The following STEAP4 variants were observed in gnomAD, a reference collection of about 807,000 sequenced individuals.
The protein encoded by STEAP4 is STEAP4 metalloreductase, also known as metalloreductase STEAP4.
Under a neutral mutation model 43.6 loss-of-function variants are expected in STEAP4, and 36 were observed. That is an observed-to-expected ratio of 0.83 (90% confidence interval 0.63 to 1.09). The LOEUF is 1.09. STEAP4 is among the 50% of genes least tolerant of loss of function. The pLI, the probability that STEAP4 is intolerant of heterozygous loss-of-function variation, is 0.00. For synonymous variants in STEAP4, 191 were observed against 196.7 expected, an observed-to-expected ratio of 0.97 and a Z score of 0.24; for missense variants, 495 against 546.5, an observed-to-expected ratio of 0.91 and a Z score of 0.94.
rs1405290942 is a variant in STEAP4 at position 88,270,937 on chromosome 7, G to A, written c.*8461C>T. The A allele has an allele frequency of 2.0e-5, 3 of 151,972 alleles. No homozygotes were observed. Among genetic ancestry groups the A allele is most frequent in the East Asian group, 1.9e-4 (1 of 5,178 alleles). 9.4% of individuals were successfully genotyped at this position (151,972 alleles called of 1,614,324 possible). On this transcript the variant is annotated 3_prime_UTR_variant, in exon 5 of 5. Coordinates refer to ENST00000380079, the MANE Select transcript of STEAP4 (RefSeq NM_024636.4). The stretch of plus-strand genomic sequence containing the variant: ...AATTAAAAATTTTTAATTGACACAC[G>A]ATAATTATACATATTTATGGGGTAC...
chr7:88,279,183 C>T lies in STEAP4; in HGVS notation c.*215G>A. On this transcript the variant is annotated 3_prime_UTR_variant, in exon 5 of 5. Coordinates refer to ENST00000380079, the MANE Select transcript of STEAP4 (RefSeq NM_024636.4). ...TGGGAAAATAAGAGTCAGGGACCTGCACTGATTCTTCACTAACCTGAGATA... is the reference window on the plus strand; with the variant it reads ...TGGGAAAATAAGAGTCAGGGACCTGTACTGATTCTTCACTAACCTGAGATA... 3 of 554,742 alleles carry T rather than the reference C, an allele frequency of 5.4e-6. No homozygotes were observed. The highest frequency in any genetic ancestry group is 6.4e-6 in the Non-Finnish European group (2 of 310,636). The allele number at this position is 554,742 out of a possible 1,614,324, so 34.4% of individuals were successfully genotyped here.
intron 4 of STEAP4, 124 bp from the exon 5 acceptor site, chr7:88,279,752 CT>C: frequency 5.2e-6 from 4 of 763,778 alleles, no homozygotes; most frequent in Non-Finnish European, 8.3e-6. Context: ...GTTTAGGACA[CT>C]TTGCCAAGTA....
rs924172782 is a variant in STEAP4 at position 88,273,555 on chromosome 7, T to C, written c.*5843A>G. On this transcript the variant is annotated 3_prime_UTR_variant, in exon 5 of 5. Coordinates refer to ENST00000380079, the MANE Select transcript of STEAP4 (RefSeq NM_024636.4). The stretch of plus-strand genomic sequence containing the variant: ...CTAGATTCTTCAACTAGTATTAAAG[T>C]ACTAAATGAGAAGTGTTATGAAATT... 6.6e-6 allele frequency: 1 copy of C among 152,086 alleles called. No homozygotes were observed. The highest frequency in any genetic ancestry group is 1.5e-5 in the Non-Finnish European group (1 of 68,002). 9.4% of individuals were successfully genotyped at this position (152,086 alleles called of 1,614,324 possible).
rs1852531920 is a variant in STEAP4, at chr7:88,277,525, G to A, written c.*1873C>T. On this transcript the variant is annotated 3_prime_UTR_variant, in exon 5 of 5. Transcript: ENST00000380079. ...AGTCTACATGTTTAATAAGGAAAGAGGTTTGAAAAATGCCTATTTGATGTG... is the reference window on the plus strand; with the variant it reads ...AGTCTACATGTTTAATAAGGAAAGAAGTTTGAAAAATGCCTATTTGATGTG... 6.6e-6 allele frequency: 1 copy of A among 152,096 alleles called. No homozygotes were observed. Among genetic ancestry groups the A allele is most frequent in the Admixed American group, 6.6e-5 (1 of 15,266 alleles). 9.4% of individuals were successfully genotyped at this position (152,096 alleles called of 1,614,324 possible). A position where few individuals can be genotyped will look rare whatever the true frequency, so the allele number is the denominator to read the frequency against.
intron 1 of STEAP4, among the ~76,000 whole-genome samples, chr7:88,291,838 T>G (rs1343996619): frequency 6.6e-6 from 1 of 152,202 alleles, no homozygotes; most frequent in Non-Finnish European, 1.5e-5. Context: ...TTCAGTCTCA[T>G]GGGCTCTCCA....
intron 1 of STEAP4, among the ~76,000 whole-genome samples, chr7:88,296,192 T>C (rs1216368944): frequency 6.6e-6 from 1 of 152,170 alleles, no homozygotes; most frequent in East Asian, 1.9e-4. Flanking sequence ...TAGTACAGCA[T>C]AATGTGATAA....
rs1328490359 is a variant in STEAP4, at chr7:88,283,396, A to G, written c.457-228T>C. 5.9e-6 allele frequency: 3 copies of G among 512,632 alleles called. No homozygotes were observed. The Admixed American group carries it at 1.1e-4, about 19-fold the overall frequency. The allele number at this position is 512,632 out of a possible 1,614,324, so 31.8% of individuals were successfully genotyped here. ...AGTTGATGATGGTTTTAGGCACATC[A>G]CACTTATAAAAGACATGGTTCTCCA... is the stretch of plus-strand genomic sequence containing the variant. On this transcript the variant is annotated intron_variant, in intron 2 of 4. Coordinates refer to ENST00000380079, the MANE Select transcript of STEAP4 (RefSeq NM_024636.4).
In STEAP4 at chr7:88,283,856, T is replaced by C; in HGVS notation, c.414A>G (p.Ser138=). ...GTGCTCCTGACTGGAGAGCCCAGGC[T>C]GAGATGGTGTTAAATGCTTTTACCA... is the stretch of plus-strand genomic sequence containing the variant. ...AHVVKAFNTI[S]AWALQSGALD... is the part of the protein sequence containing the mutation. Residue 138 remains serine (S), a synonymous_variant, in exon 2 of 5, where the codon TCA becomes TCG. Transcript: ENST00000380079. 1 of 1,613,882 alleles carries C rather than the reference T, an allele frequency of 6.2e-7. No homozygotes were observed. The highest frequency in any genetic ancestry group is 8.5e-7 in the Non-Finnish European group (1 of 1,179,746).
chr7:88,304,523 TA>T (rs1312056964), intron 1 of STEAP4, among the ~76,000 whole-genome samples: 18 of 152,208 alleles, frequency 1.2e-4, no homozygotes, highest in African/African-American at 4.1e-4. Context: ...TTGGTAGATG[TA>T]GCTGCAGGCA....
At chr7:88,300,018 A>G (rs1853003755) in intron 1 of STEAP4, among the ~76,000 whole-genome samples, 1 of 152,186 alleles carries the variant, frequency 6.6e-6, no homozygotes, top group Non-Finnish European at 1.5e-5. Context: ...ATGTTTGCTG[A>G]GACCCATCAG....
chr7:88,280,956 CA>C lies in STEAP4; in HGVS notation c.1107del (p.Val370LeufsTer20). ...TCTCTCCAGTTGACTGCATTGCTAACAGATGGCAAAGAAGTGATTCCCAAGA... is the reference window on the plus strand; with the variant it reads ...TCTCTCCAGTTGACTGCATTGCTAACGATGGCAAAGAAGTGATTCCCAAGA... ...FVLLGITSLPSVSNAVNWREF... is the reference protein window; with the variant it reads ...FVLLGITSLPXVSNAVNWREF... On this transcript the variant is annotated frameshift_variant, in exon 4 of 5. Coordinates refer to ENST00000380079, the MANE Select transcript of STEAP4 (RefSeq NM_024636.4). LOFTEE classifies it high-confidence loss of function. 6.2e-7 allele frequency: 1 copy of C among 1,612,150 alleles called. No homozygotes were observed. The highest frequency in any genetic ancestry group is 1.1e-5 in the South Asian group (1 of 90,738).
chr7:88,284,189 A>C lies in STEAP4; in HGVS notation c.81T>G (p.Thr27=). The change falls in exon 2 of 5, where the codon ACT becomes ACG. Residue 27 remains threonine (T), a synonymous_variant. Transcript: ENST00000380079. ...ATCCCAGTGATCTTCCAAAATCACC[A>C]GTTCCAAAAATACATACAGTCTCTT... ...EKQETVCIFG[T]GDFGRSLGLK... The C allele has an allele frequency of 1.2e-6, 2 of 1,614,134 alleles. No individual in the cohort carries two copies. The highest frequency in any genetic ancestry group is 4.5e-5 in the East Asian group (2 of 44,880).
chr7:88,287,989 G>A (rs1398566546), intron 1 of STEAP4, among the ~76,000 whole-genome samples: 1 of 152,150 alleles, frequency 6.6e-6, no homozygotes, highest in Non-Finnish European at 1.5e-5. Context: ...ACAGCTTAAA[G>A]GTTAGAAGCC....
In STEAP4 at chr7:88,280,945, TGC is replaced by T; in HGVS notation, c.1117_1118del (p.Ala373SerfsTer122). The T allele has an allele frequency of 3.7e-6, 6 of 1,611,418 alleles. No individual in the cohort carries two copies. Among genetic ancestry groups the T allele is most frequent in the Non-Finnish European group, 5.1e-6 (6 of 1,179,032 alleles). ...CAAATCGGAACTCTCTCCAGTTGAC[TGC>T]ATTGCTAACAGATGGCAAAGAAGTG... is the stretch of plus-strand genomic sequence containing the variant. The part of the protein sequence containing the change: ...GITSLPSVSN[A>X]VNWREFRFVQ... On this transcript the variant is annotated frameshift_variant, in exon 4 of 5. Transcript: ENST00000380079. LOFTEE classifies it high-confidence loss of function.
Position 88,284,138 on chromosome 7 carries a change from A to C in STEAP4, c.132T>G (p.Ser44=). 6.2e-7 allele frequency: 1 copy of C among 1,614,176 alleles called. No individual in the cohort carries two copies. The highest frequency in any genetic ancestry group is 1.1e-5 in the South Asian group (1 of 91,088). Residue 44 remains serine, a synonymous_variant, in exon 2 of 5, where the codon TCT becomes TCG. Coordinates refer to ENST00000380079, the MANE Select transcript of STEAP4 (RefSeq NM_024636.4). The part of the protein sequence containing the change: ...LGLKMLQCGY[S]VVFGSRNPQK... Reference sequence around the variant, plus strand: ...GGGGGTTTCGACTTCCAAAAACAACAGAATAACCACACTGGAGCATTTTCA... The same window carrying C: ...GGGGGTTTCGACTTCCAAAAACAACCGAATAACCACACTGGAGCATTTTCA...
intron 4 of STEAP4, 118 bp from the exon 5 acceptor site, chr7:88,279,746 A>G: frequency 1.2e-6 from 1 of 816,238 alleles, no homozygotes; most frequent in Non-Finnish European, 1.9e-6. Flanking sequence ...TATAATGTTT[A>G]GGACACTTTG....
At position 88,274,558 on chromosome 7, in the gene STEAP4, T is replaced by A. The variant is rs942379031; in HGVS notation, c.*4840A>T. On this transcript the variant is annotated 3_prime_UTR_variant, in exon 5 of 5. Transcript: ENST00000380079. ...GTCCAATACAGACCCCAAGAGAGAG[T>A]TCTTGGATCTTGCACAAGAAAGAAT... 1 of 151,792 alleles carries A rather than the reference T, an allele frequency of 6.6e-6. No homozygotes were observed. The highest frequency in any genetic ancestry group is 2.4e-5 in the African/African-American group (1 of 41,286). The allele number at this position is 151,792 out of a possible 1,614,324, so 9.4% of individuals were successfully genotyped here.
At chr7:88,283,245 G>T in intron 2 of STEAP4, 77 bp from the exon 3 acceptor site, 1 of 1,385,466 alleles carries the variant, frequency 7.2e-7, no homozygotes. Context: ...GGCTACAACA[G>T]CACCATGCCA....
At position 88,281,039 on chromosome 7, in the gene STEAP4, G is replaced by A. The variant is rs1309024880; in HGVS notation, c.1025C>T (p.Ala342Val). The change falls in exon 4 of 5, where the codon GCC becomes GTC. Residue 342 changes from alanine (A) to valine (V), a missense_variant. By Grantham distance (64) the Ala-to-Val change is moderately conservative (BLOSUM62 0). Transcript: ENST00000380079. ...AGCCACATATGAATCACTGAGCCAGGCTGAGGAGGTGCTAAATGGATTCTC... is the reference window on the plus strand; with the variant it reads ...AGCCACATATGAATCACTGAGCCAGACTGAGGAGGTGCTAAATGGATTCTC... ...KKENPFSTSS[A>V]WLSDSYVALG... The A allele has an allele frequency of 2.5e-6, 4 of 1,611,358 alleles. No individual in the cohort carries two copies. Among genetic ancestry groups the A allele is most frequent in the Non-Finnish European group, 3.4e-6 (4 of 1,179,096 alleles).
Sources: gnomAD v4.1 joint callset for allele counts (sites outside exome capture counted in the v4.1 genomes callset) on GRCh38, gnomAD v4.1.1 for gene constraint, MANE v1.5 for transcripts, NCBI Gene and HGNC (gene_info 2026-07-23, HGNC 2026-07-21) for gene names.